PLEKHF2: variants seen among roughly 807,000 people sequenced by gnomAD.
PLEKHF2 encodes pleckstrin homology and FYVE domain containing 2.
Under a neutral mutation model 14.7 loss-of-function variants are expected in PLEKHF2, and 4 were observed. The ratio of observed to expected loss-of-function variants is 0.27; its 90% CI spans 0.13 to 0.62. The LOEUF is 0.62. Ranked by LOEUF, PLEKHF2 falls within the 20% of genes least tolerant of loss-of-function variation. The pLI, the probability that PLEKHF2 is intolerant of heterozygous loss-of-function variation, is 0.85. For synonymous variants in PLEKHF2, 90 were observed against 103.5 expected (o/e 0.87, Z 0.79); for missense variants, 201 against 307.7 (o/e 0.65, Z 2.60).
At chr8:95,145,448 T>C (rs1263821334) in intron 1 of PLEKHF2, among the ~76,000 whole-genome samples, 1 of 152,026 alleles carries the variant, frequency 6.6e-6, no homozygotes, top group East Asian at 1.9e-4. Context: ...TTCTTTTTTT[T>C]TTTTTCTTTG....
intron 1 of PLEKHF2, among the ~76,000 whole-genome samples, chr8:95,143,155 A>T (rs1810456386): frequency 6.8e-6 from 1 of 147,278 alleles, no homozygotes; most frequent in African/African-American, 2.6e-5. Context: ...GCTGGAGTGC[A>T]GTGGCACTAT....
In PLEKHF2 at chr8:95,136,331, T is replaced by C. The variant is rs796424340; in HGVS notation, c.-15+2301T>C. On this transcript the variant is annotated intron_variant, in intron 1 of 1. Transcript: ENST00000315367. ...AATCCACAGATTGGTTTTTATTATATATACACACACACACACACACACACA... is the reference window on the plus strand; with the variant it reads ...AATCCACAGATTGGTTTTTATTATACATACACACACACACACACACACACA... Among the ~76,000 whole-genome samples, 1,062 of 107,826 alleles carry C rather than the reference T, an allele frequency of 9.8e-3. 7 individuals carry two copies. The highest frequency in any genetic ancestry group is 0.03 in the African/African-American group (750 of 24,972). 70.7% of individuals were successfully genotyped at this position (107,826 alleles called of 152,430 possible). A position where few individuals can be genotyped will look rare whatever the true frequency, so the allele number is the denominator to read the frequency against.
At chr8:95,139,113 C>G (rs1563881474) in intron 1 of PLEKHF2, among the ~76,000 whole-genome samples, 2 of 152,118 alleles carry the variant, frequency 1.3e-5, no homozygotes, top group African/African-American at 4.8e-5. Flanking sequence ...TTTAAATTTA[C>G]TGGTCATTTT....
At chr8:95,137,027 A>C (rs949838112) in intron 1 of PLEKHF2, among the ~76,000 whole-genome samples, 4 of 152,260 alleles carry the variant, frequency 2.6e-5, no homozygotes, top group Non-Finnish European at 5.9e-5. Context: ...AATAAAAGGC[A>C]TTCAAATAGT....
intron 1 of PLEKHF2, among the ~76,000 whole-genome samples, chr8:95,144,494 C>T (rs1810473839): frequency 1.3e-5 from 2 of 151,940 alleles, no homozygotes; most frequent in South Asian, 2.1e-4. Flanking sequence ...ATTCCAAATA[C>T]ATAATATAGG....
At chr8:95,146,741 C>T (rs1220423442) in intron 1 of PLEKHF2, among the ~76,000 whole-genome samples, 2 of 151,710 alleles carry the variant, frequency 1.3e-5, no homozygotes, top group Non-Finnish European at 2.9e-5. Context: ...AAAAGATATG[C>T]TTCTGCTCTA....
intron 1 of PLEKHF2, among the ~76,000 whole-genome samples, chr8:95,145,898 G>C (rs531115837): frequency 2.1e-4 from 32 of 152,328 alleles, no homozygotes; most frequent in Non-Finnish European, 3.8e-4. Flanking sequence ...TGTGTTAAGA[G>C]AGGAATAGTT....
Position 95,154,059 on chromosome 8 carries a change from G to T in PLEKHF2, c.15G>T (p.Leu5Phe). ...ATTAGTGAAAGATGGTGGATCGCTT[G>T]GCAAACAGTGAAGCAAATACTAGAC... Reference protein sequence around the residue: MVDRLANSEANTRRI... With the variant: MVDRFANSEANTRRI... The change falls in exon 2 of 2, where the codon TTG (leucine) becomes TTT (phenylalanine). Residue 5 changes from leucine (L) to phenylalanine (F), a missense_variant. Transcript: ENST00000315367. The surrounding 1 kb of genome is among the most constrained non-coding windows in gnomAD (Gnocchi z 5.6). The T allele has an allele frequency of 6.3e-7, 1 of 1,582,128 alleles. No homozygotes were observed. Among genetic ancestry groups the T allele is most frequent in the South Asian group, 1.2e-5 (1 of 85,496 alleles).
At chr8:95,148,563 C>T (rs1465970400) in intron 1 of PLEKHF2, among the ~76,000 whole-genome samples, 9 of 151,958 alleles carry the variant, frequency 5.9e-5, no homozygotes, top group South Asian at 2.1e-4. Context: ...AAATTTAATA[C>T]GAGAGTGACA....
chr8:95,148,313 T>G (rs1810523340), intron 1 of PLEKHF2, among the ~76,000 whole-genome samples: 1 of 152,030 alleles, frequency 6.6e-6, no homozygotes, highest in South Asian at 2.1e-4. Context: ...GGTGAACATT[T>G]TTTTCTGATA....
At chr8:95,137,926 C>T (rs977066402) in intron 1 of PLEKHF2, among the ~76,000 whole-genome samples, 4 of 152,196 alleles carry the variant, frequency 2.6e-5, no homozygotes, top group African/African-American at 9.7e-5. Context: ...GGTTAAGCAG[C>T]TTTTTGTCCT....
chr8:95,139,824 T>C (rs578234744), intron 1 of PLEKHF2, among the ~76,000 whole-genome samples: 27 of 149,238 alleles, frequency 1.8e-4, no homozygotes, highest in East Asian at 1.7e-3. Flanking sequence ...TTTTTTTTTT[T>C]CCCATGTGTC....
At chr8:95,144,962 TTAAAG>T (rs1353831331) in intron 1 of PLEKHF2, among the ~76,000 whole-genome samples, 1 of 151,520 alleles carries the variant, frequency 6.6e-6, no homozygotes, top group African/African-American at 2.4e-5. Context: ...TTTTGTAAAA[TTAAAG>T]TAATGATCAC....
At chr8:95,143,951 A>G (rs1030966537) in intron 1 of PLEKHF2, among the ~76,000 whole-genome samples, 3 of 152,228 alleles carry the variant, frequency 2.0e-5, no homozygotes, top group East Asian at 1.9e-4. Flanking sequence ...CATGTAGCCC[A>G]GGACAGCTTG....
chr8:95,150,550 CTAAT>C (rs1179870891), intron 1 of PLEKHF2, among the ~76,000 whole-genome samples: 1 of 152,100 alleles, frequency 6.6e-6, no homozygotes, highest in Non-Finnish European at 1.5e-5. Context: ...CAGCCAAATA[CTAAT>C]TAATAATGCC....
chr8:95,134,629 C>T (rs767033438), intron 1 of PLEKHF2, among the ~76,000 whole-genome samples: 6 of 152,158 alleles, frequency 3.9e-5, no homozygotes, highest in African/African-American at 9.7e-5. Flanking sequence ...GATCCTTTGA[C>T]GAATTTATTT....
At chr8:95,150,918 C>A (rs1431304551) in intron 1 of PLEKHF2, among the ~76,000 whole-genome samples, 2 of 152,048 alleles carry the variant, frequency 1.3e-5, no homozygotes, top group African/African-American at 4.8e-5. Context: ...GTTATTTAAC[C>A]CCTCTTTGGC....
chr8:95,153,899 C>A, intron 1 of PLEKHF2, 132 bp from the exon 2 acceptor site: 1 of 648,008 alleles, frequency 1.5e-6, no homozygotes, highest in Non-Finnish European at 2.3e-6. Context: ...TAGTGATTAT[C>A]TTAGAGGGAA....
rs778037627 is a variant in PLEKHF2 at position 95,154,711 on chromosome 8, A to G, written c.667A>G (p.Arg223Gly). The G allele has an allele frequency of 1.2e-6, 2 of 1,614,192 alleles. No individual in the cohort carries two copies. The highest frequency in any genetic ancestry group is 1.7e-6 in the Non-Finnish European group (2 of 1,180,004). The part of the protein sequence containing the change: ...AGDMATCQPA[R>G]SDSYSQSLKS... ...GGACATGGCCACATGCCAGCCTGCT[A>G]GATCAGACTCTTACAGCCAGTCATT... The change falls in exon 2 of 2, where the codon AGA (arginine) becomes GGA (glycine). Residue 223 changes from arginine to glycine, a missense_variant. By Grantham distance (125) the Arg-to-Gly change is moderately radical. Transcript: ENST00000315367. This position sits in a 1 kb window ranked among gnomAD's most constrained non-coding sequence, Gnocchi z 5.6.
Sources: allele counts gnomAD v4.1 joint callset (sites outside exome capture counted in the v4.1 genomes callset), GRCh38; gene constraint gnomAD v4.1.1; non-coding constraint Gnocchi (gnomAD v3.1); transcripts MANE v1.5; gene names NCBI Gene and HGNC (gene_info 2026-07-23, HGNC 2026-07-21).